The following SULT1B1 variants were observed in gnomAD, a reference collection of about 807,000 sequenced individuals.
The protein encoded by SULT1B1 is sulfotransferase family 1B member 1.
Under a neutral mutation model 34.6 loss-of-function variants are expected in SULT1B1, and 28 were observed. The ratio of observed to expected loss-of-function variants is 0.81; its 90% CI spans 0.60 to 1.11. The LOEUF is 1.11. Ranked by LOEUF, SULT1B1 falls within the 50% of genes least tolerant of loss-of-function variation. The probability of loss-of-function intolerance (pLI) is 0.00; values close to 1 mark genes in which losing one functional copy is unlikely to be tolerated. For missense variants in SULT1B1, 374 were observed against 352.2 expected (o/e 1.06, Z -0.50); for synonymous variants, 147 against 110.2 (o/e 1.33, Z -2.09).
chr4:69,749,993 G>C (rs757237937), intron 3 of SULT1B1, among the ~76,000 whole-genome samples, 175 bp from the exon 4 acceptor site: 2 of 152,032 alleles, frequency 1.3e-5, no homozygotes, highest in Non-Finnish European at 2.9e-5. Flanking sequence ...TAACATTCAA[G>C]GATACACATT....
chr4:69,737,905 AT>A (rs1718379927), intron 4 of SULT1B1, among the ~76,000 whole-genome samples: 1 of 152,066 alleles, frequency 6.6e-6, no homozygotes, highest in Non-Finnish European at 1.5e-5. Context: ...GCATGTGCAG[AT>A]TTGTTGCATA....
intron 3 of SULT1B1, among the ~76,000 whole-genome samples, chr4:69,751,235 T>A (rs1337275929): frequency 6.6e-6 from 1 of 152,260 alleles, no homozygotes; most frequent in Non-Finnish European, 1.5e-5. Context: ...TATTACTTAA[T>A]GTCCATTAGA....
At position 69,736,730 on chromosome 4, in the gene SULT1B1, G is replaced by A. The variant is rs140262553; in HGVS notation, c.376-2466C>T. Among the ~76,000 whole-genome samples the A allele has an allele frequency of 1.1e-3, 166 of 152,096 alleles. 1 individual carries two copies. The highest frequency in any genetic ancestry group is 3.7e-3 in the African/African-American group (152 of 41,502). ...AAATAAATAAATCACTAGATGGACC[G>A]AATAGTGTAATGGCAGTGTTAGAGG... On this transcript the variant is annotated intron_variant, in intron 4 of 7. Transcript: ENST00000310613.
chr4:69,748,473 A>G (rs911231723), intron 4 of SULT1B1, among the ~76,000 whole-genome samples: 32 of 152,244 alleles, frequency 2.1e-4, no homozygotes, highest in Non-Finnish European at 5.9e-5. Context: ...ACTGCTAGAC[A>G]TAAAACAAGA....
intron 4 of SULT1B1, among the ~76,000 whole-genome samples, chr4:69,738,784 A>G (rs1225747226): frequency 6.6e-6 from 1 of 152,212 alleles, no homozygotes; most frequent in East Asian, 1.9e-4. Context: ...AAATAAGGCA[A>G]GTCCCTTCTG....
intron 4 of SULT1B1, among the ~76,000 whole-genome samples, chr4:69,740,501 C>A (rs188486142): frequency 6.6e-6 from 1 of 152,320 alleles, no homozygotes; most frequent in African/African-American, 2.4e-5. Flanking sequence ...ATTACCTCCA[C>A]CTGGTCCTGC....
At chr4:69,749,960 A>G (rs777828247) in intron 3 of SULT1B1, 142 bp from the exon 4 acceptor site, 52 of 614,968 alleles carry the variant, frequency 8.5e-5, no homozygotes, top group Admixed American at 3.7e-4. Context: ...GCATTTCACC[A>G]CATTACTAGA....
intron 4 of SULT1B1, among the ~76,000 whole-genome samples, chr4:69,743,229 G>A (rs557790281): frequency 6.6e-6 from 1 of 152,326 alleles, no homozygotes; most frequent in African/African-American, 2.4e-5. Context: ...CAAACAAATA[G>A]AGGGTGAGCA....
chr4:69,733,533 C>G, intron 5 of SULT1B1, 26 bp from the exon 6 acceptor site: 1 of 1,465,298 alleles, frequency 6.8e-7, no homozygotes, highest in Non-Finnish European at 9.3e-7. Context: ...AGTCTATTTT[C>G]ATAAACATTC....
rs780880354 is a variant in SULT1B1 at position 69,733,500 on chromosome 4, A to G, written c.510T>C (p.Tyr170=). ...TTTTAACATGAGTAAACCAGGAACC[A>G]TAGGCCACTAAAACCAGATAAAAGT... is the stretch of plus-strand genomic sequence containing the variant. The part of the protein sequence containing the change: ...LEKFLTGKVA[Y]GSWFTHVKNW... The change falls in exon 6 of 8, where the codon TAT becomes TAC. Residue 170 remains tyrosine, a synonymous_variant. Coordinates refer to ENST00000310613, the MANE Select transcript of SULT1B1 (RefSeq NM_014465.4). The G allele has an allele frequency of 1.8e-5, 28 of 1,598,988 alleles. No homozygotes were observed. The South Asian group carries it at 2.6e-4, about 15-fold the overall frequency.
At chr4:69,742,172 T>G (rs750567798) in intron 4 of SULT1B1, among the ~76,000 whole-genome samples, 3 of 152,226 alleles carry the variant, frequency 2.0e-5, no homozygotes, top group Non-Finnish European at 4.4e-5. Flanking sequence ...GAATCACACC[T>G]ATTAATTTGC....
At chr4:69,741,911 G>C (rs1368152042) in intron 4 of SULT1B1, among the ~76,000 whole-genome samples, 1 of 152,076 alleles carries the variant, frequency 6.6e-6, no homozygotes, top group African/African-American at 2.4e-5. Flanking sequence ...AGATCTTCCT[G>C]TACTATGTTG....
chr4:69,758,296 C>T (rs953225311), intron 1 of SULT1B1: 1 of 984,924 alleles, frequency 1.0e-6, no homozygotes, highest in African/African-American at 1.7e-5. Context: ...GAGATTTCCA[C>T]TTCTCACCCA....
rs1305204360 is a variant in SULT1B1 at position 69,721,775 on chromosome 4, GA to G, written c.*5312del. ...TTGTAAGCAATGCTTTGGCTTTTTA[GA>G]AAATAGCCCTTTAGTTTATTAAGGA... is the stretch of plus-strand genomic sequence containing the variant. On this transcript the variant is annotated 3_prime_UTR_variant, in exon 8 of 8. Transcript: ENST00000310613. 6.6e-6 allele frequency: 1 copy of G among 152,032 alleles called. No individual in the cohort carries two copies. The highest frequency in any genetic ancestry group is 1.5e-5 in the Non-Finnish European group (1 of 67,946). The allele number at this position is 152,032 out of a possible 1,614,324, so 9.4% of individuals were successfully genotyped here.
chr4:69,726,982 T>C lies in SULT1B1; in HGVS notation c.*106A>G, dbSNP rs531175353. The C allele has an allele frequency of 1.9e-5, 13 of 688,830 alleles. 1 individual carries two copies. In the South Asian group the frequency reaches 3.1e-4, roughly 17 times the overall value. 42.7% of individuals were successfully genotyped at this position (688,830 alleles called of 1,614,324 possible). On this transcript the variant is annotated 3_prime_UTR_variant, in exon 8 of 8. Transcript: ENST00000310613. ...GAATCAACATATTAAAAGCATATTA[T>C]TCTCCTTTATAAATTCATTTGATTG...
intron 1 of SULT1B1, among the ~76,000 whole-genome samples, chr4:69,756,966 CACACACACACACAG>C (rs1298460302): frequency 6.8e-6 from 1 of 148,046 alleles, no homozygotes; most frequent in Non-Finnish European, 1.5e-5. Flanking sequence ...CACAGACACA[CACACACACACACAG>C]ACACACACAC....
Position 69,749,818 on chromosome 4 carries a change from C to T in SULT1B1, c.278G>A (p.Gly93Asp). 6.2e-7 allele frequency: 1 copy of T among 1,610,818 alleles called. No homozygotes were observed. The highest frequency in any genetic ancestry group is 8.5e-7 in the Non-Finnish European group (1 of 1,177,264). ...EMTLPGLRTS[G>D]IEQLEKNPSP... ...TGGATTCTTCTCCAATTGTTCTATACCTGAGAAATTTAGTTAAGTATAGGG... is the reference window on the plus strand; with the variant it reads ...TGGATTCTTCTCCAATTGTTCTATATCTGAGAAATTTAGTTAAGTATAGGG... The change falls in exon 4 of 8, where the codon GGT becomes GAT. Residue 93 changes from glycine (G) to aspartate (D), a missense_variant and splice_region_variant. Coordinates refer to ENST00000310613, the MANE Select transcript of SULT1B1 (RefSeq NM_014465.4).
chr4:69,744,508 G>T (rs1419953335), intron 4 of SULT1B1, among the ~76,000 whole-genome samples: 1 of 152,214 alleles, frequency 6.6e-6, no homozygotes, highest in East Asian at 1.9e-4. Context: ...CGATGTGATG[G>T]CAGCAGCCAC....
chr4:69,732,369 A>G (rs1363844722), intron 6 of SULT1B1, among the ~76,000 whole-genome samples: 1 of 152,182 alleles, frequency 6.6e-6, no homozygotes, highest in East Asian at 1.9e-4. Context: ...AATATTTCAC[A>G]TGGGGCCAAA....
Sources: gnomAD v4.1 joint callset for allele counts (sites outside exome capture counted in the v4.1 genomes callset) on GRCh38, gnomAD v4.1.1 for gene constraint, MANE v1.5 for transcripts, NCBI Gene and HGNC (gene_info 2026-07-23, HGNC 2026-07-21) for gene names.